The following RNF138 variants were observed in gnomAD, a reference collection of about 807,000 sequenced individuals.
RNF138 encodes the protein E3 ubiquitin-protein ligase RNF138.
Under a neutral mutation model 31.0 loss-of-function variants are expected in RNF138, and 12 were observed. The ratio of observed to expected loss-of-function variants is 0.39; its 90% CI spans 0.25 to 0.63. The LOEUF (loss-of-function observed/expected upper bound fraction) is 0.63, where lower values mean the gene tolerates loss of function less well. RNF138 is among the 20% of genes least tolerant of loss of function. The pLI is 0.52. For synonymous variants in RNF138, 105 were observed against 99.5 expected (o/e 1.06, Z -0.33); for missense variants, 192 against 300.1 (o/e 0.64, Z 2.66).
Position 32,092,811 on chromosome 18 carries a change from C to T in RNF138, c.35C>T (p.Thr12Ile), listed in dbSNP as rs1445480537. ...GACCTCTCTGCGGCCACGTCCTACA[C>T]CGAAGATGATTTCTACTGCCCCGTC... ...AEDLSAATSY[T>I]EDDFYCPVCQ... is the part of the protein sequence containing the mutation. The change falls in exon 2 of 8, where the codon ACC becomes ATC. Residue 12 changes from threonine (T) to isoleucine (I), a missense_variant. Physicochemically the swap from Thr to Ile is moderately conservative, Grantham distance 89. Coordinates refer to ENST00000261593, the MANE Select transcript of RNF138 (RefSeq NM_016271.5). 6 of 1,598,292 alleles carry T rather than the reference C, an allele frequency of 3.8e-6. No homozygotes were observed. The highest frequency in any genetic ancestry group is 5.1e-6 in the Non-Finnish European group (6 of 1,174,906).
chr18:32,103,030 A>G (rs957816550), intron 2 of RNF138, among the ~76,000 whole-genome samples: 6 of 152,152 alleles, frequency 3.9e-5, no homozygotes, highest in Non-Finnish European at 7.3e-5. Flanking sequence ...TTTATAGCCT[A>G]TATATATACA....
intron 4 of RNF138, among the ~76,000 whole-genome samples, chr18:32,114,666 A>G (rs55948956): frequency 0.02 from 3,047 of 152,330 alleles, 96 homozygotes; most frequent in African/African-American, 0.07. Flanking sequence ...TGAAAACTTC[A>G]GTAGTAAGCA....
intron 2 of RNF138, among the ~76,000 whole-genome samples, chr18:32,097,942 ATATGTG>A (rs759332940): frequency 2.7e-4 from 16 of 59,378 alleles, no homozygotes; most frequent in South Asian, 1.4e-3. Context: ...GTGTATGTAT[ATATGTG>A]TGTGTGTGTG....
chr18:32,101,146 A>G (rs2144573144), intron 2 of RNF138, among the ~76,000 whole-genome samples: 1 of 151,768 alleles, frequency 6.6e-6, no homozygotes, highest in Admixed American at 6.6e-5. Flanking sequence ...CCGAGGTAGG[A>G]GGGAACATGC....
rs532420891 is a variant in RNF138 at position 32,121,138 on chromosome 18, A to C, written c.393-2380A>C. On this transcript the variant is annotated intron_variant, in intron 4 of 7. Coordinates refer to ENST00000261593, the MANE Select transcript of RNF138 (RefSeq NM_016271.5). Reference sequence around the variant, plus strand: ...AGACAAGAGTGAGACTGTCTCAAAAAAAAACAAAACAAAAAAAAAGCAGAT... The same window carrying C: ...AGACAAGAGTGAGACTGTCTCAAAACAAAACAAAACAAAAAAAAAGCAGAT... 1.5e-3 allele frequency among the ~76,000 whole-genome samples: 179 copies of C among 116,838 alleles called. 3 individuals carry two copies. In the South Asian group the frequency reaches 0.031, roughly 20 times the overall value. The allele number at this position is 116,838 out of a possible 152,430, so 76.7% of individuals were successfully genotyped here.
intron 7 of RNF138, among the ~76,000 whole-genome samples, chr18:32,127,401 A>G (rs1402786237): frequency 6.6e-6 from 1 of 152,210 alleles, no homozygotes; most frequent in Non-Finnish European, 1.5e-5. Context: ...ATTAAATTGC[A>G]TTTTATTCAA....
chr18:32,112,926 A>T (rs2144244799), intron 3 of RNF138, among the ~76,000 whole-genome samples: 1 of 152,312 alleles, frequency 6.6e-6, no homozygotes, highest in East Asian at 1.9e-4. Flanking sequence ...TTGCTATTTC[A>T]TGCATTCACA....
chr18:32,097,942 ATATG>A (rs138376934), intron 2 of RNF138, among the ~76,000 whole-genome samples: 205 of 59,376 alleles, frequency 3.5e-3, no homozygotes, highest in South Asian at 9.4e-3. Flanking sequence ...GTGTATGTAT[ATATG>A]TGTGTGTGTG....
At chr18:32,097,462 T>TA (rs1405766817) in intron 2 of RNF138, among the ~76,000 whole-genome samples, 7 of 152,210 alleles carry the variant, frequency 4.6e-5, no homozygotes, top group Non-Finnish European at 1.0e-4. Flanking sequence ...TTACTTTTTT[T>TA]AATCCTTAAT....
intron 2 of RNF138, among the ~76,000 whole-genome samples, chr18:32,103,095 C>A (rs987634006): frequency 2.0e-5 from 3 of 151,862 alleles, no homozygotes; most frequent in African/African-American, 7.3e-5. Flanking sequence ...AGTTGTGTGC[C>A]AATATTTTTG....
intron 3 of RNF138, among the ~76,000 whole-genome samples, chr18:32,113,460 A>AT (rs1441502099): frequency 3.3e-5 from 5 of 152,020 alleles, no homozygotes; most frequent in East Asian, 3.9e-4. Flanking sequence ...AGTGCTTTTA[A>AT]TTTTTTTGTC....
chr18:32,117,058 C>T (rs1386314175), intron 4 of RNF138, among the ~76,000 whole-genome samples: 1 of 151,924 alleles, frequency 6.6e-6, no homozygotes, highest in East Asian at 1.9e-4. Context: ...CCCACCACCA[C>T]GCCCAACTAA....
intron 2 of RNF138, among the ~76,000 whole-genome samples, chr18:32,093,415 T>G (rs1448864723): frequency 6.6e-6 from 1 of 152,176 alleles, no homozygotes; most frequent in Admixed American, 6.5e-5. Flanking sequence ...CCAAGAGCTC[T>G]TCTGTAACTT....
chr18:32,101,163 T>C (rs553957499), intron 2 of RNF138, among the ~76,000 whole-genome samples: 3 of 152,112 alleles, frequency 2.0e-5, no homozygotes, highest in Admixed American at 6.5e-5. Flanking sequence ...ATGCAGGGCT[T>C]TGTATTTGAA....
At chr18:32,109,263 C>T (rs1032672200) in intron 2 of RNF138, among the ~76,000 whole-genome samples, 14 of 151,814 alleles carry the variant, frequency 9.2e-5, no homozygotes, top group African/African-American at 3.1e-4. Context: ...AAGTGATCCT[C>T]TCACCTCAGC....
At chr18:32,117,712 GAGT>G (rs2040239889) in intron 4 of RNF138, among the ~76,000 whole-genome samples, 1 of 152,160 alleles carries the variant, frequency 6.6e-6, no homozygotes, top group African/African-American at 2.4e-5. Flanking sequence ...ATATCATTCA[GAGT>G]AGTACTGTTT....
chr18:32,113,904 A>C lies in RNF138; in HGVS notation c.392+44A>C, dbSNP rs770294613. The C allele has an allele frequency of 1.8e-5, 18 of 1,005,482 alleles. No homozygotes were observed. The African/African-American group carries it at 3.1e-4, about 17-fold the overall frequency. 62.3% of individuals were successfully genotyped at this position (1,005,482 alleles called of 1,614,324 possible). ...TAAATACAGAATTTTCATAATTGAAATGGAAATTGTTTTGGGAACTATATG... is the reference window on the plus strand; with the variant it reads ...TAAATACAGAATTTTCATAATTGAACTGGAAATTGTTTTGGGAACTATATG... On this transcript the variant is annotated intron_variant, in intron 4 of 7. Coordinates refer to ENST00000261593, the MANE Select transcript of RNF138 (RefSeq NM_016271.5).
Position 32,091,991 on chromosome 18 carries a change from G to A in RNF138, c.-322G>A, listed in dbSNP as rs1188955560. On this transcript the variant is annotated 5_prime_UTR_variant, in exon 1 of 8. Coordinates refer to ENST00000261593, the MANE Select transcript of RNF138 (RefSeq NM_016271.5). ...TTCGGTGACGGCCGGGTAGGCTGTA[G>A]GCAGCGCAATGCCAAGACAGAGCTG... The A allele has an allele frequency of 6.5e-6, 1 of 152,704 alleles. No individual in the cohort carries two copies. Among genetic ancestry groups the A allele is most frequent in the Non-Finnish European group, 1.5e-5 (1 of 68,444 alleles). The allele number at this position is 152,704 out of a possible 1,614,324, so 9.5% of individuals were successfully genotyped here. A position where few individuals can be genotyped will look rare whatever the true frequency, so the allele number is the denominator to read the frequency against.
intron 7 of RNF138, among the ~76,000 whole-genome samples, chr18:32,128,175 ATAATTTTT>A (rs1333643367): frequency 6.6e-6 from 1 of 152,266 alleles, no homozygotes; most frequent in Non-Finnish European, 1.5e-5. Context: ...GATAGCAAAT[ATAATTTTT>A]TAAATTAAGG....
Sources: allele counts gnomAD v4.1 joint callset (sites outside exome capture counted in the v4.1 genomes callset), GRCh38; gene constraint gnomAD v4.1.1; transcripts MANE v1.5; gene names NCBI Gene and HGNC (gene_info 2026-07-23, HGNC 2026-07-21).